RNGTT: variants seen among roughly 807,000 people sequenced by gnomAD.
RNGTT encodes mRNA-capping enzyme.
In RNGTT, 33 loss-of-function variants were observed where a neutral mutation model predicts 79.3. That is an observed-to-expected ratio of 0.42 (90% CI 0.32 to 0.56). RNGTT has a LOEUF of 0.56. Ranked by LOEUF, RNGTT falls within the 20% of genes least tolerant of loss-of-function variation. The pLI, the probability that RNGTT is intolerant of heterozygous loss-of-function variation, is 0.17. For synonymous variants in RNGTT, 222 were observed against 235.9 expected (o/e 0.94, Z 0.54); for missense variants, 497 against 739.1 (o/e 0.67, Z 3.80).
chr6:88,871,350 A>C (rs1158097917), intron 8 of RNGTT, among the ~76,000 whole-genome samples: 3 of 151,880 alleles, frequency 2.0e-5, no homozygotes, highest in Non-Finnish European at 4.4e-5. Flanking sequence ...AAATAATAGC[A>C]GAGTTTTTTT....
At chr6:88,883,730 T>A (rs1485596414) in intron 8 of RNGTT, among the ~76,000 whole-genome samples, 1 of 152,150 alleles carries the variant, frequency 6.6e-6, no homozygotes, top group African/African-American at 2.4e-5. Context: ...AATCTCAGTA[T>A]AAGGAAAGGC....
At chr6:88,936,393 G>A (rs1313015847) in intron 2 of RNGTT, among the ~76,000 whole-genome samples, 1 of 152,100 alleles carries the variant, frequency 6.6e-6, no homozygotes, top group Non-Finnish European at 1.5e-5. Flanking sequence ...CTCTTGCCTG[G>A]CTGCTCTAGA....
At chr6:88,654,430 C>G (rs1240263730) in intron 14 of RNGTT, among the ~76,000 whole-genome samples, 1 of 152,082 alleles carries the variant, frequency 6.6e-6, no homozygotes, top group South Asian at 2.1e-4. Context: ...AAGATCTTAC[C>G]TTTATTTCTT....
At chr6:88,910,672 A>G (rs1783802337) in intron 4 of RNGTT, among the ~76,000 whole-genome samples, 1 of 152,232 alleles carries the variant, frequency 6.6e-6, no homozygotes, top group Non-Finnish European at 1.5e-5. Context: ...CAAAACGACC[A>G]TCATCAAGGC....
At chr6:88,718,842 A>G (rs891023998) in intron 13 of RNGTT, among the ~76,000 whole-genome samples, 2 of 152,224 alleles carry the variant, frequency 1.3e-5, no homozygotes, top group African/African-American at 4.8e-5. Context: ...ACCTTTAAAA[A>G]TTAGTGGAAG....
At chr6:88,920,263 T>C (rs756945543) in intron 4 of RNGTT, among the ~76,000 whole-genome samples, 3 of 152,200 alleles carry the variant, frequency 2.0e-5, no homozygotes, top group African/African-American at 4.8e-5. Flanking sequence ...TTGTATAAAA[T>C]GGCATAGTAT....
At chr6:88,645,408 C>T (rs536398239) in intron 14 of RNGTT, among the ~76,000 whole-genome samples, 41 of 152,234 alleles carry the variant, frequency 2.7e-4, no homozygotes, top group Admixed American at 7.9e-4. Context: ...GAATCAATAT[C>T]GTGAAAATGG....
intron 14 of RNGTT, among the ~76,000 whole-genome samples, chr6:88,627,054 A>C (rs897833532): frequency 2.0e-5 from 3 of 151,234 alleles, no homozygotes; most frequent in Non-Finnish European, 4.4e-5. Context: ...CATGAGGAGG[A>C]GGCTAAAAAA....
At chr6:88,688,967 G>A (rs1251331067) in intron 13 of RNGTT, among the ~76,000 whole-genome samples, 2 of 152,272 alleles carry the variant, frequency 1.3e-5, no homozygotes, top group African/African-American at 2.4e-5. Flanking sequence ...AGAATATAGT[G>A]TATAACACAT....
At chr6:88,851,522 C>T (rs925896773) in intron 9 of RNGTT, among the ~76,000 whole-genome samples, 1 of 151,976 alleles carries the variant, frequency 6.6e-6, no homozygotes, top group Admixed American at 6.6e-5. Flanking sequence ...TGATTAACTG[C>T]TATATTCTTA....
At chr6:88,961,311 CT>C (rs2127968357) in intron 1 of RNGTT, among the ~76,000 whole-genome samples, 1 of 152,092 alleles carries the variant, frequency 6.6e-6, no homozygotes, top group South Asian at 2.1e-4. Context: ...ATAAACTCCC[CT>C]TTACGTCTGT....
intron 13 of RNGTT, among the ~76,000 whole-genome samples, chr6:88,715,272 CT>C (rs1195557937): frequency 6.6e-6 from 1 of 152,058 alleles, no homozygotes; most frequent in Admixed American, 6.6e-5. Flanking sequence ...TGTGAAGGAC[CT>C]CTTCAAGAAC....
At chr6:88,847,057 A>C (rs1355877651) in intron 10 of RNGTT, among the ~76,000 whole-genome samples, 1 of 152,230 alleles carries the variant, frequency 6.6e-6, no homozygotes, top group Non-Finnish European at 1.5e-5. Flanking sequence ...TAACAAATAC[A>C]TTAAAAAATG....
intron 13 of RNGTT, among the ~76,000 whole-genome samples, chr6:88,756,934 A>G (rs1778036547): frequency 6.6e-6 from 1 of 152,328 alleles, no homozygotes; most frequent in South Asian, 2.1e-4. Flanking sequence ...TTGTATCCTC[A>G]GACTAAAACC....
intron 6 of RNGTT, among the ~76,000 whole-genome samples, chr6:88,896,393 C>T (rs1172467753): frequency 1.3e-5 from 2 of 152,156 alleles, no homozygotes; most frequent in African/African-American, 4.8e-5. Context: ...AATTGGGATT[C>T]CGAGACAAGC....
rs192091959 is a variant in RNGTT at position 88,793,123 on chromosome 6, A to T, written c.1338+8441T>A. 4.6e-4 allele frequency among the ~76,000 whole-genome samples: 70 copies of T among 152,348 alleles called. 1 individual carries two copies. The highest frequency in any genetic ancestry group is 1.6e-3 in the African/African-American group (68 of 41,592). On this transcript the variant is annotated intron_variant, in intron 12 of 15. Coordinates refer to ENST00000369485, the MANE Select transcript of RNGTT (RefSeq NM_003800.5). Reference sequence around the variant, plus strand: ...ACATCAAAAATATGATGAAAGGTACATATTAGTGATAAAAACTAAGAGAAT... The same window carrying T: ...ACATCAAAAATATGATGAAAGGTACTTATTAGTGATAAAAACTAAGAGAAT...
chr6:88,915,202 AAT>A (rs1783960619), intron 4 of RNGTT, among the ~76,000 whole-genome samples: 1 of 152,202 alleles, frequency 6.6e-6, no homozygotes, highest in Admixed American at 6.5e-5. Flanking sequence ...TGTGGAAAGC[AAT>A]TTGGAGATTT....
intron 4 of RNGTT, among the ~76,000 whole-genome samples, chr6:88,908,929 T>G (rs1367565064): frequency 6.6e-6 from 1 of 151,760 alleles, no homozygotes; most frequent in African/African-American, 2.4e-5. Flanking sequence ...GGCAGCCTGC[T>G]GGCTGATCCT....
intron 13 of RNGTT, among the ~76,000 whole-genome samples, chr6:88,693,902 C>T (rs1171296401): frequency 1.3e-5 from 2 of 152,108 alleles, no homozygotes; most frequent in South Asian, 2.1e-4. Context: ...AATTCAACAT[C>T]CTTTCATGAT....
Sources: gnomAD v4.1 joint callset for allele counts (sites outside exome capture counted in the v4.1 genomes callset) on GRCh38, gnomAD v4.1.1 for gene constraint, MANE v1.5 for transcripts, NCBI Gene and HGNC (gene_info 2026-07-23, HGNC 2026-07-21) for gene names.